Variants in PCDH15 observed in about 807,000 individuals in gnomAD.
PCDH15 encodes protocadherin related 15.
In PCDH15, 129 loss-of-function variants were observed where a neutral mutation model predicts 178.5. That is an observed-to-expected ratio of 0.72 (90% CI 0.63 to 0.84). The LOEUF is 0.84. Among genes scored for constraint, PCDH15 ranks in the 40% least tolerant of loss-of-function variants. The pLI, the probability that PCDH15 is intolerant of heterozygous loss-of-function variation, is 0.00. For missense variants in PCDH15, 2,230 were observed against 2,099.9 expected (o/e 1.06, Z -1.21); for synonymous variants, 800 against 732.0 (o/e 1.09, Z -1.50).
At chr10:55,412,640 C>T (rs1440438117) in intron 2 of PCDH15, among the ~76,000 whole-genome samples, 1 of 151,758 alleles carries the variant, frequency 6.6e-6, no homozygotes, top group Non-Finnish European at 1.5e-5. Context: ...ATGGAAAAAA[C>T]ATTGGAATAC....
chr10:54,149,060 AAAC>A (rs2044260503), intron 14 of PCDH15, among the ~76,000 whole-genome samples: 1 of 152,070 alleles, frequency 6.6e-6, no homozygotes, highest in Admixed American at 6.6e-5. Flanking sequence ...AATTATCTAT[AAAC>A]AAGAAGCTAT....
chr10:54,656,957 C>A (rs2094417000), intron 2 of PCDH15, among the ~76,000 whole-genome samples: 1 of 152,210 alleles, frequency 6.6e-6, no homozygotes, highest in Admixed American at 6.5e-5. Flanking sequence ...GTGGTTTTCA[C>A]AACAGCTACA....
intron 3 of PCDH15, among the ~76,000 whole-genome samples, chr10:54,405,202 T>G (rs1205941369): frequency 1.3e-5 from 2 of 152,056 alleles, no homozygotes; most frequent in East Asian, 3.9e-4. Flanking sequence ...TACATGCATG[T>G]AAATGTTCAT....
At chr10:54,748,032 C>T (rs942918196) in intron 1 of PCDH15, among the ~76,000 whole-genome samples, 3 of 151,980 alleles carry the variant, frequency 2.0e-5, no homozygotes, top group Admixed American at 6.6e-5. Flanking sequence ...GTCTCGATCT[C>T]CTGACCTCGT....
chr10:55,052,374 C>T (rs764384477), intron 2 of PCDH15, among the ~76,000 whole-genome samples: 91 of 151,068 alleles, frequency 6.0e-4, no homozygotes, highest in Non-Finnish European at 1.1e-3. Context: ...AGGCGTGAGC[C>T]ACCGTACCCG....
intron 2 of PCDH15, among the ~76,000 whole-genome samples, chr10:55,001,838 C>T (rs1447248355): frequency 6.6e-6 from 1 of 152,176 alleles, no homozygotes; most frequent in Non-Finnish European, 1.5e-5. Context: ...AAGCAACCCC[C>T]TAAGGATCCT....
At chr10:54,884,064 G>A (rs1954309081) in intron 3 of PCDH15, among the ~76,000 whole-genome samples, 1 of 151,984 alleles carries the variant, frequency 6.6e-6, no homozygotes, top group Admixed American at 6.6e-5. Flanking sequence ...AATATCATGA[G>A]ATTTATGTTT....
intron 1 of PCDH15, among the ~76,000 whole-genome samples, chr10:55,208,513 T>A (rs1414246460): frequency 6.6e-6 from 1 of 152,046 alleles, no homozygotes; most frequent in African/African-American, 2.4e-5. Context: ...TGCTCATATT[T>A]CTCCAACATT....
At chr10:54,601,400 A>C (rs1279622512) in intron 2 of PCDH15, among the ~76,000 whole-genome samples, 3 of 151,810 alleles carry the variant, frequency 2.0e-5, no homozygotes, top group African/African-American at 7.3e-5. Context: ...CAAACACAAA[A>C]ACAAAAAAAT....
chr10:55,568,045 A>G (rs1409666410), intron 2 of PCDH15, among the ~76,000 whole-genome samples: 1 of 152,068 alleles, frequency 6.6e-6, no homozygotes, highest in East Asian at 1.9e-4. Flanking sequence ...AAATTACCAT[A>G]TGATTCTGCA....
At chr10:55,110,141 C>G (rs1279456106) in intron 2 of PCDH15, among the ~76,000 whole-genome samples, 6 of 151,774 alleles carry the variant, frequency 4.0e-5, no homozygotes, top group Admixed American at 3.9e-4. Flanking sequence ...CTAAAAATTA[C>G]TTAATTTCTT....
intron 2 of PCDH15, among the ~76,000 whole-genome samples, chr10:54,921,013 G>A (rs953203033): frequency 6.6e-6 from 1 of 152,130 alleles, no homozygotes; most frequent in Non-Finnish European, 1.5e-5. Flanking sequence ...GTGGGTCTGT[G>A]GCATTTCCTC....
At chr10:53,993,807 T>C (rs1320637949) in intron 21 of PCDH15, among the ~76,000 whole-genome samples, 1 of 152,206 alleles carries the variant, frequency 6.6e-6, no homozygotes, top group Non-Finnish European at 1.5e-5. Context: ...ATTCTGATCA[T>C]AGCTATATCA....
At chr10:54,684,254 C>T (rs1046907451) in intron 1 of PCDH15, among the ~76,000 whole-genome samples, 1 of 151,518 alleles carries the variant, frequency 6.6e-6, no homozygotes, top group Non-Finnish European at 1.5e-5. Context: ...TTAGAATGTA[C>T]AGCAATAAAG....
At chr10:54,252,213 G>T (rs2056537756) in intron 8 of PCDH15, among the ~76,000 whole-genome samples, 1 of 152,074 alleles carries the variant, frequency 6.6e-6, no homozygotes, top group Non-Finnish European at 1.5e-5. Context: ...CTTGTTTCTA[G>T]TGTTGATGCA....
intron 3 of PCDH15, among the ~76,000 whole-genome samples, chr10:54,442,085 TA>T (rs1467341113): frequency 6.6e-6 from 1 of 151,674 alleles, no homozygotes; most frequent in East Asian, 2.0e-4. Context: ...AAAGTTGCCA[TA>T]AGATGGAATA....
At chr10:55,076,225 T>C (rs1399136168) in intron 2 of PCDH15, among the ~76,000 whole-genome samples, 2 of 152,182 alleles carry the variant, frequency 1.3e-5, no homozygotes, top group Non-Finnish European at 2.9e-5. Context: ...GATAACATGC[T>C]CTGTAAATGT....
intron 1 of PCDH15, among the ~76,000 whole-genome samples, chr10:55,280,624 G>A (rs1306007791): frequency 6.6e-6 from 1 of 151,678 alleles, no homozygotes; most frequent in East Asian, 1.9e-4. Flanking sequence ...GTTGAATAAT[G>A]TTAAACAGGG....
At chr10:54,730,428 A>C (rs948189735) in intron 1 of PCDH15, among the ~76,000 whole-genome samples, 1 of 151,546 alleles carries the variant, frequency 6.6e-6, no homozygotes. Flanking sequence ...AGGATCAAAA[A>C]GCTACCTATT....
Sources: gnomAD v4.1 joint callset for allele counts (sites outside exome capture counted in the v4.1 genomes callset) on GRCh38, gnomAD v4.1.1 for gene constraint, MANE v1.5 for transcripts, NCBI Gene and HGNC (gene_info 2026-07-23, HGNC 2026-07-21) for gene names.